The following LITAF variants were observed in gnomAD, a reference collection of about 807,000 sequenced individuals.
LITAF encodes the protein lipopolysaccharide induced TNF factor, also known as lipopolysaccharide-induced tumor necrosis factor-alpha factor.
Under a neutral mutation model 14.5 loss-of-function variants are expected in LITAF, and 9 were observed. The observed-to-expected ratio is 0.62, with a 90% CI of 0.37 to 1.08. The LOEUF (loss-of-function observed/expected upper bound fraction) is 1.08, where lower values mean the gene tolerates loss of function less well. Among genes scored for constraint, LITAF ranks in the 50% least tolerant of loss-of-function variants. The pLI, the probability that LITAF is intolerant of heterozygous loss-of-function variation, is 0.01. For synonymous variants in LITAF, 98 were observed against 88.2 expected (o/e 1.11, Z -0.62); for missense variants, 206 against 213.4 (o/e 0.97, Z 0.22).
At position 11,605,539 on chromosome 16, in the gene LITAF, G is replaced by A. The variant is rs1431654740; in HGVS notation, c.85+27994C>T. ...TAGGCAGGGGCCGCAAGGAAGGAAG[G>A]GAAGAAAAGGAGAAAGAAGGGAGGG... On this transcript the variant is annotated intron_variant, in intron 3 of 3. Transcript: ENST00000574848. This position sits in a 1 kb window ranked among gnomAD's most constrained non-coding sequence, Gnocchi z 4.7. 6.6e-6 allele frequency among the ~76,000 whole-genome samples: 1 copy of A among 152,092 alleles called. No individual in the cohort carries two copies. The highest frequency in any genetic ancestry group is 1.5e-5 in the Non-Finnish European group (1 of 68,026).
chr16:11,628,404 A>T (rs778633265), intron 3 of LITAF, among the ~76,000 whole-genome samples: 2 of 152,228 alleles, frequency 1.3e-5, no homozygotes, highest in Non-Finnish European at 2.9e-5. Context: ...CACCCAGTAG[A>T]TGCTCTCAGA....
In LITAF at chr16:11,548,170, G is replaced by T. The variant is rs888699172; in HGVS notation, c.*1467C>A. 2 of 453,922 alleles carry T rather than the reference G, an allele frequency of 4.4e-6. No homozygotes were observed. The highest frequency in any genetic ancestry group is 3.1e-5 in the South Asian group (2 of 64,472). The allele number at this position is 453,922 out of a possible 1,614,324, so 28.1% of individuals were successfully genotyped here. On this transcript the variant is annotated 3_prime_UTR_variant, in exon 4 of 4. Coordinates refer to ENST00000622633, the MANE Select transcript of LITAF (RefSeq NM_001136472.2). ...ACCAATATACAGATGTTCGCTCAAG[G>T]TCTAGGTTTTATTTCTACATAGTAG...
intron 1 of LITAF, among the ~76,000 whole-genome samples, chr16:11,559,188 G>A (rs1352185005): frequency 6.6e-6 from 1 of 151,648 alleles, no homozygotes; most frequent in South Asian, 2.1e-4. Context: ...CCTAGCAGGT[G>A]GAGGCTACAG....
At chr16:11,633,131 C>T (rs540443124) in intron 3 of LITAF, among the ~76,000 whole-genome samples, 18 of 152,300 alleles carry the variant, frequency 1.2e-4, no homozygotes, top group East Asian at 1.2e-3. Context: ...AGACACATCA[C>T]GCTGGAGGCA....
rs2064213602 is a variant in LITAF, at chr16:11,553,462, G to C, written c.377+71C>G. Reference sequence around the variant, plus strand: ...CCTGAATGTCAAGCATGGTGCAGTTGAGAACCCACCCCCGCCAGCACCCAG... The same window carrying C: ...CCTGAATGTCAAGCATGGTGCAGTTCAGAACCCACCCCCGCCAGCACCCAG... On this transcript the variant is annotated intron_variant, in intron 3 of 3. Transcript: ENST00000622633. This position sits in a 1 kb window ranked among gnomAD's most constrained non-coding sequence, Gnocchi z 7.7. 1 of 1,536,380 alleles carries C rather than the reference G, an allele frequency of 6.5e-7. No individual in the cohort carries two copies. Among genetic ancestry groups the C allele is most frequent in the African/African-American group, 1.4e-5 (1 of 73,348 alleles).
In LITAF at chr16:11,568,207, G is replaced by A. The variant is rs576572497; in HGVS notation, c.-5-11472C>T. ...AGAAGCTCAGTGGGGAGGATCACCT[G>A]AGCCTGGGAGGCAGCGGTTGCAGTG... On this transcript the variant is annotated intron_variant, in intron 1 of 3. Transcript: ENST00000622633. 2.0e-5 allele frequency among the ~76,000 whole-genome samples: 3 copies of A among 149,342 alleles called. No homozygotes were observed. In the East Asian group the frequency reaches 6.0e-4, roughly 30 times the overall value.
rs2064950516 is a variant in LITAF at position 11,605,465 on chromosome 16, A to G, written c.85+28068T>C. 6.6e-6 allele frequency among the ~76,000 whole-genome samples: 1 copy of G among 152,134 alleles called. No homozygotes were observed. The highest frequency in any genetic ancestry group is 1.5e-5 in the Non-Finnish European group (1 of 68,006). ...TTCACAGTGTGGGGGACCCCTTCCC[A>G]GCCCCGTGTCTCTCTTTACAGCCCA... On this transcript the variant is annotated intron_variant, in intron 3 of 3. Transcript: ENST00000574848. This position sits in a 1 kb window ranked among gnomAD's most constrained non-coding sequence, Gnocchi z 4.7.
At chr16:11,631,659 G>A (rs1460257746) in intron 3 of LITAF, among the ~76,000 whole-genome samples, 1 of 152,148 alleles carries the variant, frequency 6.6e-6, no homozygotes, top group East Asian at 1.9e-4. Context: ...CAAAGTGCTG[G>A]GATTACAGGC....
upstream of LITAF, among the ~76,000 whole-genome samples, chr16:11,637,371 G>A (rs1036750631): frequency 6.6e-6 from 1 of 152,196 alleles, no homozygotes; most frequent in African/African-American, 2.4e-5. Flanking sequence ...ATTCATTGGT[G>A]GCTCACTCTC....
At chr16:11,578,669 G>A (rs28439748) in intron 1 of LITAF, among the ~76,000 whole-genome samples, 24,752 of 152,188 alleles carry the variant, frequency 0.16, 2,134 homozygotes, top group South Asian at 0.23. Flanking sequence ...TCATGTGCAT[G>A]TCATGTGCCC....
rs2065129182 is a variant in LITAF, at chr16:11,634,111, T to C, written c.-20-474A>G. ...ATGGACACACAGACATGAATACACATGTGCAGAGACTCATATGGGCACTTA... is the reference window on the plus strand; with the variant it reads ...ATGGACACACAGACATGAATACACACGTGCAGAGACTCATATGGGCACTTA... On this transcript the variant is annotated intron_variant, in intron 2 of 3. Transcript: ENST00000574848. The surrounding 1 kb of genome is among the most constrained non-coding windows in gnomAD (Gnocchi z 4.1). Among the ~76,000 whole-genome samples, 1 of 152,138 alleles carries C rather than the reference T, an allele frequency of 6.6e-6. No individual in the cohort carries two copies. Among genetic ancestry groups the C allele is most frequent in the Non-Finnish European group, 1.5e-5 (1 of 68,034 alleles).
At chr16:11,555,381 G>A (rs2064252303) in intron 2 of LITAF, among the ~76,000 whole-genome samples, 1 of 152,168 alleles carries the variant, frequency 6.6e-6, no homozygotes, top group African/African-American at 2.4e-5. Flanking sequence ...TTTGGACCAG[G>A]CTCTGTGACT....
chr16:11,573,997 C>G (rs959568509), intron 1 of LITAF, among the ~76,000 whole-genome samples: 1 of 133,510 alleles, frequency 7.5e-6, no homozygotes. Flanking sequence ...CCAAGGTGCC[C>G]GGCGTTTTTT....
intron 1 of LITAF, among the ~76,000 whole-genome samples, chr16:11,596,094 C>T (rs1240802914): frequency 1.3e-5 from 2 of 152,086 alleles, no homozygotes; most frequent in African/African-American, 4.8e-5. Context: ...CAGGTAGAGG[C>T]CCAGGTGAGC....
At chr16:11,569,608 G>A (rs1357804634) in intron 1 of LITAF, among the ~76,000 whole-genome samples, 1 of 152,152 alleles carries the variant, frequency 6.6e-6, no homozygotes, top group Non-Finnish European at 1.5e-5. Context: ...CATAGCTCAG[G>A]GAGAGTAGGA....
At chr16:11,611,518 C>G (rs929587497) in intron 3 of LITAF, among the ~76,000 whole-genome samples, 1 of 152,176 alleles carries the variant, frequency 6.6e-6, no homozygotes, top group African/African-American at 2.4e-5. Context: ...AATCTAGCAG[C>G]CTTTCCCCTA....
rs142700369 is a variant in LITAF at position 11,549,204 on chromosome 16, G to C, written c.*433C>G. 1.1e-3 allele frequency: 488 copies of C among 452,404 alleles called. 2 individuals are homozygous for C. The highest frequency in any genetic ancestry group is 8.9e-3 in the African/African-American group (445 of 49,994). 28.0% of individuals were successfully genotyped at this position (452,404 alleles called of 1,614,324 possible). A position where few individuals can be genotyped will look rare whatever the true frequency, so the allele number is the denominator to read the frequency against. The stretch of plus-strand genomic sequence containing the variant: ...GATAAGATAATGGTAGGCACTAAAG[G>C]CTGGTTCAGCCGAGCTCTGGGCAGA... On this transcript the variant is annotated 3_prime_UTR_variant, in exon 4 of 4. Transcript: ENST00000622633. The surrounding 1 kb of genome is among the most constrained non-coding windows in gnomAD (Gnocchi z 4.6).
chr16:11,572,926 C>G (rs917479706), intron 1 of LITAF, among the ~76,000 whole-genome samples: 2 of 121,524 alleles, frequency 1.6e-5, no homozygotes, highest in South Asian at 5.1e-4. Context: ...CTGCACATCT[C>G]AAGCTCTTTT....
At chr16:11,626,714 C>G (rs1187637027) in intron 3 of LITAF, among the ~76,000 whole-genome samples, 1 of 151,884 alleles carries the variant, frequency 6.6e-6, no homozygotes, top group African/African-American at 2.4e-5. Flanking sequence ...TCAGGTGATC[C>G]GCCCACCTTG....
Sources: gnomAD v4.1 joint callset for allele counts (sites outside exome capture counted in the v4.1 genomes callset) on GRCh38, gnomAD v4.1.1 for gene constraint, Gnocchi (gnomAD v3.1) non-coding constraint, MANE v1.5 for transcripts, NCBI Gene and HGNC (gene_info 2026-07-23, HGNC 2026-07-21) for gene names.